Variants in NLGN1 observed in about 807,000 individuals in gnomAD.
NLGN1 encodes the protein neuroligin-1.
In NLGN1, 12 loss-of-function variants were observed where a neutral mutation model predicts 65.5. The ratio of observed to expected loss-of-function variants is 0.18; its 90% CI spans 0.12 to 0.30. The LOEUF is 0.30. Ranked by LOEUF, NLGN1 falls within the 10% of genes least tolerant of loss-of-function variation. NLGN1 has a pLI of 1.00. For missense variants in NLGN1, 750 were observed against 1,007.1 expected (o/e 0.74, Z 3.46); for synonymous variants, 350 against 359.5 (o/e 0.97, Z 0.30).
intron 4 of NLGN1, among the ~76,000 whole-genome samples, chr3:173,900,603 A>G (rs1283206750): frequency 1.3e-5 from 2 of 152,042 alleles, no homozygotes; most frequent in African/African-American, 2.4e-5. Context: ...GGGAGCAGAG[A>G]AAAAGGGAAT....
chr3:174,066,564 C>CTCTCTCTCTCTCTCTCTG (rs1553925385), intron 4 of NLGN1, among the ~76,000 whole-genome samples: 16 of 100,094 alleles, frequency 1.6e-4, no homozygotes, highest in African/African-American at 4.1e-4. Context: ...CTCTCTCTCT[C>CTCTCTCTCTCTCTCTCTG]TGTGTGTGTG....
intron 4 of NLGN1, among the ~76,000 whole-genome samples, chr3:174,066,095 ATAACT>A (rs1420500033): frequency 2.0e-5 from 3 of 152,214 alleles, no homozygotes; most frequent in East Asian, 1.9e-4. Context: ...AAATAGCTAG[ATAACT>A]TAATGACATT....
chr3:173,693,591 A>C (rs1227729333), intron 3 of NLGN1, among the ~76,000 whole-genome samples: 1 of 152,050 alleles, frequency 6.6e-6, no homozygotes, highest in African/African-American at 2.4e-5. Context: ...ATTTTAACTT[A>C]TATTGGCATT....
chr3:173,693,448 A>G (rs1007058739), intron 3 of NLGN1, among the ~76,000 whole-genome samples: 3 of 152,112 alleles, frequency 2.0e-5, no homozygotes, highest in Non-Finnish European at 2.9e-5. Context: ...AACTTTACCA[A>G]TACCTTCAAA....
chr3:173,549,918 A>C (rs1422668423), intron 2 of NLGN1, among the ~76,000 whole-genome samples: 1 of 152,114 alleles, frequency 6.6e-6, no homozygotes, highest in Non-Finnish European at 1.5e-5. Context: ...TATTGGTGAC[A>C]TAACCTTATC....
At chr3:174,029,463 AC>A (rs1032130146) in intron 4 of NLGN1, among the ~76,000 whole-genome samples, 9 of 152,016 alleles carry the variant, frequency 5.9e-5, no homozygotes, top group African/African-American at 1.9e-4. Context: ...CAATGCCTGT[AC>A]CCCCATTGCA....
At chr3:174,112,048 A>G (rs2152620433) in intron 4 of NLGN1, among the ~76,000 whole-genome samples, 2 of 152,028 alleles carry the variant, frequency 1.3e-5, no homozygotes, top group South Asian at 4.1e-4. Context: ...CATAAGACAA[A>G]CAGAAGTTCA....
intron 4 of NLGN1, among the ~76,000 whole-genome samples, chr3:173,853,366 C>A (rs148530539): frequency 6.6e-6 from 1 of 152,270 alleles, no homozygotes; most frequent in African/African-American, 2.4e-5. Context: ...AGCTTCAGTG[C>A]ATCTGAAAGT....
chr3:173,653,142 A>G (rs1759478944), intron 3 of NLGN1, among the ~76,000 whole-genome samples: 2 of 152,156 alleles, frequency 1.3e-5, no homozygotes, highest in Non-Finnish European at 2.9e-5. Flanking sequence ...GTTCTTTTGC[A>G]AAGTCGTTAG....
At chr3:173,695,654 A>G (rs1404519823) in intron 3 of NLGN1, 2 of 206,592 alleles carry the variant, frequency 9.7e-6, no homozygotes, top group Non-Finnish European at 2.0e-5. Context: ...TATACTGTGG[A>G]CTTATAAAAG....
chr3:174,169,313 A>G (rs1013865937), intron 4 of NLGN1, among the ~76,000 whole-genome samples: 1 of 152,020 alleles, frequency 6.6e-6, no homozygotes, highest in African/African-American at 2.4e-5. Context: ...ATCAGAGAGG[A>G]CCTTGATGCA....
chr3:173,898,343 A>G (rs2152159513), intron 4 of NLGN1, among the ~76,000 whole-genome samples: 1 of 152,346 alleles, frequency 6.6e-6, no homozygotes, highest in East Asian at 1.9e-4. Flanking sequence ...ATTTCTTAGT[A>G]CCAGGCAGTG....
chr3:173,807,314 G>A (rs941139818), intron 3 of NLGN1, among the ~76,000 whole-genome samples: 7 of 152,096 alleles, frequency 4.6e-5, no homozygotes, highest in African/African-American at 1.7e-4. Flanking sequence ...ATAATGTCAT[G>A]TGAAGTCTAT....
intron 2 of NLGN1, among the ~76,000 whole-genome samples, chr3:173,447,496 C>T (rs541154433): frequency 3.3e-4 from 51 of 152,258 alleles, no homozygotes; most frequent in South Asian, 2.7e-3. Context: ...AGTCAGGTAA[C>T]GTGATGCCTC....
intron 4 of NLGN1, among the ~76,000 whole-genome samples, chr3:174,225,543 A>G (rs977607037): frequency 2.0e-5 from 3 of 152,158 alleles, no homozygotes; most frequent in Non-Finnish European, 4.4e-5. Flanking sequence ...CATCCTGGCT[A>G]ACACAGTGAA....
intron 4 of NLGN1, among the ~76,000 whole-genome samples, chr3:173,897,440 A>C (rs985135980): frequency 1.3e-5 from 2 of 152,222 alleles, no homozygotes; most frequent in Non-Finnish European, 2.9e-5. Context: ...AACAGCCTGC[A>C]CTGATGTCCT....
chr3:174,270,426 C>T (rs946975904), intron 4 of NLGN1, among the ~76,000 whole-genome samples: 2 of 151,698 alleles, frequency 1.3e-5, no homozygotes, highest in African/African-American at 2.4e-5. Flanking sequence ...ATAGTCTTGG[C>T]ACCTTTGTCA....
At chr3:174,160,808 A>G (rs1726349498) in intron 4 of NLGN1, among the ~76,000 whole-genome samples, 1 of 151,506 alleles carries the variant, frequency 6.6e-6, no homozygotes, top group African/African-American at 2.4e-5. Flanking sequence ...ATTATTTTAA[A>G]TTGTCCAATT....
At chr3:174,212,679 A>G (rs1278669775) in intron 4 of NLGN1, among the ~76,000 whole-genome samples, 2 of 152,272 alleles carry the variant, frequency 1.3e-5, no homozygotes, top group Non-Finnish European at 2.9e-5. Flanking sequence ...TAGCTGCTAC[A>G]GTAAGTTACC....
Sources: allele counts gnomAD v4.1 joint callset (sites outside exome capture counted in the v4.1 genomes callset), GRCh38; gene constraint gnomAD v4.1.1; transcripts MANE v1.5; gene names NCBI Gene and HGNC (gene_info 2026-07-23, HGNC 2026-07-21).